Variants in HAUS8 observed in about 807,000 individuals in gnomAD.
The protein encoded by HAUS8 is HAUS augmin-like complex subunit 8.
HAUS8 carries 38 observed loss-of-function variants against 42.9 expected under a neutral mutation model. That is an observed-to-expected ratio of 0.89 (90% CI 0.68 to 1.16). The LOEUF (loss-of-function observed/expected upper bound fraction) is 1.16, where lower values mean the gene tolerates loss of function less well. Among genes scored for constraint, HAUS8 ranks in the 50% most tolerant of loss-of-function variants. The pLI is 0.00. For synonymous variants in HAUS8, 199 were observed against 205.8 expected (o/e 0.97, Z 0.28); for missense variants, 494 against 511.6 (o/e 0.97, Z 0.33).
chr19:17,053,041 A>G, intron 9 of HAUS8, 75 bp from the exon 10 acceptor site: 1 of 1,565,668 alleles, frequency 6.4e-7, no homozygotes, highest in Non-Finnish European at 8.8e-7. Context: ...GGAGCGGCCG[A>G]CAGACTTCTG....
chr19:17,067,640 A>G (rs2057394904), intron 3 of HAUS8, among the ~76,000 whole-genome samples: 1 of 152,192 alleles, frequency 6.6e-6, no homozygotes, highest in Non-Finnish European at 1.5e-5. Context: ...AAGTCTTGGC[A>G]ACAACATGAA....
rs751474051 is a variant in HAUS8 at position 17,060,089 on chromosome 19, T to C, written c.233A>G (p.Asp78Gly). 12 of 1,608,256 alleles carry C rather than the reference T, an allele frequency of 7.5e-6. No homozygotes were observed. The highest frequency in any genetic ancestry group is 1.0e-5 in the Non-Finnish European group (12 of 1,174,946). Residue 78 changes from aspartate to glycine, a missense_variant, in exon 5 of 11, where the codon GAT becomes GGT. Transcript: ENST00000253669. The stretch of plus-strand genomic sequence containing the variant: ...GTCACCCTTTCCGACCCCACTGCTA[T>C]CTGCTGTTAAGAAAAGAATCCCCGA... ...KSSLLQKSKADSSGVGKGDLQ... is the reference protein window; with the variant it reads ...KSSLLQKSKAGSSGVGKGDLQ...
chr19:17,055,755 T>C (rs527701427), intron 9 of HAUS8, 106 bp downstream of exon 9: 14 of 1,245,604 alleles, frequency 1.1e-5, no homozygotes, highest in East Asian at 5.1e-5. Flanking sequence ...TCTGCCTTAG[T>C]TGGGGAAGAG....
intron 3 of HAUS8, among the ~76,000 whole-genome samples, chr19:17,068,792 A>G (rs1018732762): frequency 3.9e-5 from 6 of 152,204 alleles, no homozygotes; most frequent in South Asian, 2.1e-4. Flanking sequence ...TAAGAACGAT[A>G]CCATGTTTCA....
intron 1 of HAUS8, 183 bp from the exon 2 acceptor site, chr19:17,073,518 C>A: frequency 1.6e-6 from 1 of 637,876 alleles, no homozygotes; most frequent in South Asian, 1.7e-5. Context: ...GCCCTGGTCA[C>A]CTGGGCAAGA....
chr19:17,063,698 A>T (rs1437602554), intron 3 of HAUS8, among the ~76,000 whole-genome samples: 2 of 152,180 alleles, frequency 1.3e-5, no homozygotes, highest in Admixed American at 6.5e-5. Context: ...GCACCATCCA[A>T]TCCCTTGAGG....
At chr19:17,066,024 T>TGGCTC (rs1480900946) in intron 3 of HAUS8, among the ~76,000 whole-genome samples, 1 of 151,602 alleles carries the variant, frequency 6.6e-6, no homozygotes. Context: ...TGGAGTGCAG[T>TGGCTC]GGCTCACTGC....
rs1265004801 is a variant in HAUS8, at chr19:17,075,112, C to A, written c.29+282G>T. The stretch of plus-strand genomic sequence containing the variant: ...TACGAGGTTGAGCTGCGTCATCGGC[C>A]CCATTTCGTAGCGGAGGAAAGCGAG... On this transcript the variant is annotated intron_variant, in intron 1 of 10. Coordinates refer to ENST00000253669, the MANE Select transcript of HAUS8 (RefSeq NM_033417.2). 2.1e-5 allele frequency: 11 copies of A among 524,828 alleles called. No individual in the cohort carries two copies. The East Asian group carries it at 3.4e-4, about 16-fold the overall frequency. 32.5% of individuals were successfully genotyped at this position (524,828 alleles called of 1,614,324 possible). A position where few individuals can be genotyped will look rare whatever the true frequency, so the allele number is the denominator to read the frequency against.
chr19:17,067,968 T>C (rs1216188889), intron 3 of HAUS8, among the ~76,000 whole-genome samples: 1 of 152,204 alleles, frequency 6.6e-6, no homozygotes, highest in Non-Finnish European at 1.5e-5. Context: ...TGCCATTACT[T>C]TCAATGGTTT....
At position 17,058,593 on chromosome 19, in the gene HAUS8, G is replaced by C; in HGVS notation, c.601C>G (p.Leu201Val). ...KAHELKRRLL[L>V]SQRKRELADV... ...GCCAGCTCCCGCTTCCTCTGAGAGA[G>C]GAGAAGCCTGCGCTTCAGCTCGTGG... The change falls in exon 8 of 11, where the codon CTC becomes GTC. Residue 201 changes from leucine (L) to valine (V), a missense_variant. Physicochemically the swap from Leu to Val is conservative, Grantham distance 32. Coordinates refer to ENST00000253669, the MANE Select transcript of HAUS8 (RefSeq NM_033417.2). 6.2e-7 allele frequency: 1 copy of C among 1,612,272 alleles called. No individual in the cohort carries two copies. The highest frequency in any genetic ancestry group is 8.5e-7 in the Non-Finnish European group (1 of 1,179,418).
intron 4 of HAUS8, among the ~76,000 whole-genome samples, chr19:17,061,906 G>C (rs1174254870): frequency 1.3e-5 from 2 of 152,228 alleles, no homozygotes; most frequent in Non-Finnish European, 2.9e-5. Flanking sequence ...AAGACTAGCA[G>C]GCTGGCTCTA....
At chr19:17,055,193 A>ATATATATATATAT (rs1568635009) in intron 9 of HAUS8, 1 of 77,982 alleles carries the variant, frequency 1.3e-5, no homozygotes, top group African/African-American at 6.4e-5. Flanking sequence ...TATATATATA[A>ATATATATATATAT]GCCAGGTGTG....
intron 2 of HAUS8, 71 bp from the exon 3 acceptor site, chr19:17,069,157 G>T: frequency 1.4e-6 from 2 of 1,396,756 alleles, no homozygotes; most frequent in Non-Finnish European, 2.0e-6. Context: ...CAGACCCCAC[G>T]CCCCGGAGAC....
At chr19:17,069,976 C>A (rs118062960) in intron 2 of HAUS8, among the ~76,000 whole-genome samples, 2,760 of 152,180 alleles carry the variant, frequency 0.018, 32 homozygotes, top group Non-Finnish European at 0.028. Flanking sequence ...TAAAGCCCAG[C>A]CCTCACTTCC....
chr19:17,069,378 C>A (rs2057407586), intron 2 of HAUS8, among the ~76,000 whole-genome samples: 1 of 151,808 alleles, frequency 6.6e-6, no homozygotes, highest in Non-Finnish European at 1.5e-5. Context: ...TGCACTCAGA[C>A]AAGCGGGAGG....
chr19:17,059,036 T>C (rs2057343793), intron 6 of HAUS8, among the ~76,000 whole-genome samples, 160 bp from the exon 7 acceptor site: 2 of 152,254 alleles, frequency 1.3e-5, no homozygotes, highest in South Asian at 4.1e-4. Flanking sequence ...TATTTTCTTT[T>C]ATTTGGTTTT....
intron 2 of HAUS8, among the ~76,000 whole-genome samples, chr19:17,069,911 G>A (rs1037412109): frequency 1.3e-5 from 2 of 151,680 alleles, no homozygotes; most frequent in Non-Finnish European, 2.9e-5. Flanking sequence ...GCATTCCCCC[G>A]GCCCTGTGAA....
intron 9 of HAUS8, chr19:17,053,406 A>C (rs1338919052): frequency 5.6e-6 from 1 of 179,352 alleles, no homozygotes; most frequent in Admixed American, 5.7e-5. Context: ...CTACCCTGAC[A>C]TACATCACAT....
chr19:17,072,405 C>T (rs562872022), intron 2 of HAUS8, among the ~76,000 whole-genome samples: 247 of 140,104 alleles, frequency 1.8e-3, no homozygotes, highest in South Asian at 4.3e-3. Flanking sequence ...TACAGTGGCG[C>T]GATCTCGGCT....
Sources: allele counts gnomAD v4.1 joint callset (sites outside exome capture counted in the v4.1 genomes callset), GRCh38; gene constraint gnomAD v4.1.1; transcripts MANE v1.5; gene names NCBI Gene and HGNC (gene_info 2026-07-23, HGNC 2026-07-21).